The following SGCD variants were observed in gnomAD, a reference collection of about 807,000 sequenced individuals.
SGCD encodes the protein delta-sarcoglycan.
In SGCD, 18 loss-of-function variants were observed where a neutral mutation model predicts 36.6. The observed-to-expected ratio is 0.49, with a 90% CI of 0.34 to 0.73. The LOEUF (loss-of-function observed/expected upper bound fraction) is 0.73. Ranked by LOEUF, SGCD falls within the 30% of genes least tolerant of loss-of-function variation. The pLI is 0.01. For missense variants in SGCD, 387 were observed against 346.7 expected, an observed-to-expected ratio of 1.12 and a Z score of -0.92; for synonymous variants, 133 against 130.6, an observed-to-expected ratio of 1.02 and a Z score of -0.12.
At chr5:156,499,853 A>C (rs540864350) in intron 3 of SGCD, among the ~76,000 whole-genome samples, 1 of 152,306 alleles carries the variant, frequency 6.6e-6, no homozygotes, top group South Asian at 2.1e-4. Context: ...AGTATTCTAA[A>C]GGTAGAAGTG....
intron 3 of SGCD, among the ~76,000 whole-genome samples, chr5:156,125,471 A>G (rs911511221): frequency 1.3e-5 from 2 of 152,008 alleles, no homozygotes; most frequent in African/African-American, 2.4e-5. Context: ...AATGCCAGTG[A>G]ATAAATGATT....
intron 4 of SGCD, among the ~76,000 whole-genome samples, chr5:156,516,501 C>A (rs748402657): frequency 6.6e-6 from 1 of 152,118 alleles, no homozygotes; most frequent in Non-Finnish European, 1.5e-5. Flanking sequence ...CCCACAAAAC[C>A]CTATCCAAAG....
intron 3 of SGCD, among the ~76,000 whole-genome samples, chr5:156,294,677 G>A (rs1044564259): frequency 3.3e-5 from 5 of 152,004 alleles, no homozygotes; most frequent in Non-Finnish European, 7.4e-5. Context: ...CTTGTTGAAT[G>A]TTTCTGTCAT....
intron 7 of SGCD, among the ~76,000 whole-genome samples, chr5:156,735,374 C>T (rs2113032159): frequency 6.6e-6 from 1 of 152,308 alleles, no homozygotes; most frequent in South Asian, 2.1e-4. Context: ...GGCAGCCTGC[C>T]CCCCACTGCC....
At chr5:156,406,797 TATATATATATATATATATATATAC>T (rs2127766455) in intron 3 of SGCD, among the ~76,000 whole-genome samples, 1 of 71,990 alleles carries the variant, frequency 1.4e-5, no homozygotes, top group African/African-American at 8.1e-5. Context: ...ATTTTATATA[TATATATATATATATATATATATAC>T]ACACACACAC....
chr5:156,230,231 A>AT (rs1191806616), intron 3 of SGCD, among the ~76,000 whole-genome samples: 1 of 151,936 alleles, frequency 6.6e-6, no homozygotes, highest in African/African-American at 2.4e-5. Context: ...GCTAGTGGTG[A>AT]TTTTTTGTGG....
At chr5:156,319,273 T>C (rs1318313287) in intron 3 of SGCD, among the ~76,000 whole-genome samples, 1 of 152,180 alleles carries the variant, frequency 6.6e-6, no homozygotes, top group East Asian at 1.9e-4. Flanking sequence ...TCCCTTACCA[T>C]TAAACCCTAC....
chr5:156,097,364 G>T (rs1581097583), intron 1 of SGCD, among the ~76,000 whole-genome samples: 2 of 152,052 alleles, frequency 1.3e-5, no homozygotes, highest in South Asian at 2.1e-4. Context: ...GCACCCTTTT[G>T]TTATTGGTCT....
the SGCD span, among the ~76,000 whole-genome samples, chr5:155,766,821 T>A: frequency 6.6e-6 from 1 of 152,076 alleles, no homozygotes; most frequent in African/African-American, 2.4e-5. Flanking sequence ...TTGTCCAGGG[T>A]CACAGAACAG....
chr5:156,683,299 G>A (rs1753788799), intron 7 of SGCD, among the ~76,000 whole-genome samples: 1 of 152,160 alleles, frequency 6.6e-6, no homozygotes, highest in Admixed American at 6.6e-5. Flanking sequence ...TCACTTTTAG[G>A]TGTATTTCCT....
chr5:155,890,808 C>G (rs1756111456), intron 1 of SGCD, among the ~76,000 whole-genome samples: 1 of 152,068 alleles, frequency 6.6e-6, no homozygotes, highest in African/African-American at 2.4e-5. Context: ...GAACCCCCAC[C>G]TACGTTTTCC....
intron 3 of SGCD, among the ~76,000 whole-genome samples, chr5:156,485,322 G>A (rs1016455522): frequency 6.6e-6 from 1 of 152,172 alleles, no homozygotes; most frequent in Non-Finnish European, 1.5e-5. Flanking sequence ...TATATAGAGA[G>A]AGCCATTAAT....
intron 3 of SGCD, among the ~76,000 whole-genome samples, chr5:156,482,574 C>G (rs965515913): frequency 6.6e-6 from 1 of 152,058 alleles, no homozygotes; most frequent in Admixed American, 6.5e-5. Flanking sequence ...AGATAAGAAG[C>G]TCTATGTTCT....
At chr5:156,136,944 G>C (rs1019116767) in intron 3 of SGCD, among the ~76,000 whole-genome samples, 2 of 152,084 alleles carry the variant, frequency 1.3e-5, no homozygotes, top group East Asian at 3.8e-4. Context: ...GTTCAATAAA[G>C]AAATCAAGAA....
chr5:156,474,981 C>T (rs1755118829), intron 3 of SGCD, among the ~76,000 whole-genome samples: 4 of 152,050 alleles, frequency 2.6e-5, no homozygotes, highest in Admixed American at 2.6e-4. Context: ...TGAGCTAATG[C>T]ATGTAGAGAA....
At chr5:156,486,868 C>T (rs1056906966) in intron 3 of SGCD, among the ~76,000 whole-genome samples, 2 of 152,156 alleles carry the variant, frequency 1.3e-5, no homozygotes, top group African/African-American at 4.8e-5. Flanking sequence ...AGCCAGCCTC[C>T]ACCACCACCA....
At position 156,409,410 on chromosome 5, in the gene SGCD, C is replaced by T. The variant is rs181302536; in HGVS notation, c.192+64733C>T. ...TCCTCCCTATTTTTGTTAAAGATAA[C>T]GCAGTTCTTCAGATCGCCCACGCAT... On this transcript the variant is annotated intron_variant, in intron 3 of 8. Coordinates refer to ENST00000337851, the MANE Select transcript of SGCD (RefSeq NM_000337.6). Among the ~76,000 whole-genome samples the T allele has an allele frequency of 2.3e-4, 35 of 152,304 alleles. 1 individual carries two copies. The highest frequency in any genetic ancestry group is 1.7e-3 in the Admixed American group (26 of 15,298).
At chr5:156,006,509 G>A (rs1385623461) in intron 1 of SGCD, among the ~76,000 whole-genome samples, 1 of 152,094 alleles carries the variant, frequency 6.6e-6, no homozygotes, top group Non-Finnish European at 1.5e-5. Flanking sequence ...ACTGCAACAC[G>A]TTACTGAGCC....
chr5:156,506,597 C>CTATA (rs1307566693), intron 3 of SGCD, among the ~76,000 whole-genome samples: 1 of 151,862 alleles, frequency 6.6e-6, no homozygotes, highest in Non-Finnish European at 1.5e-5. Context: ...GACTACGTGG[C>CTATA]TATATTAAAA....
Sources: gnomAD v4.1 joint callset for allele counts (sites outside exome capture counted in the v4.1 genomes callset) on GRCh38, gnomAD v4.1.1 for gene constraint, MANE v1.5 for transcripts, NCBI Gene and HGNC (gene_info 2026-07-23, HGNC 2026-07-21) for gene names.